The following SNRNP27 variants were observed in gnomAD, a reference collection of about 807,000 sequenced individuals.
SNRNP27 encodes the protein U4/U6.U5 small nuclear ribonucleoprotein 27 kDa protein.
Under a neutral mutation model 25.1 loss-of-function variants are expected in SNRNP27, and 22 were observed. The ratio of observed to expected loss-of-function variants is 0.88; its 90% CI spans 0.63 to 1.25. SNRNP27 has a LOEUF of 1.25. Ranked by LOEUF, SNRNP27 falls within the 50% of genes most tolerant of loss-of-function variation. The probability of loss-of-function intolerance (pLI) is 0.00; values close to 1 mark genes in which losing one functional copy is unlikely to be tolerated. For missense variants in SNRNP27, 150 were observed against 202.3 expected (o/e 0.74, Z 1.57); for synonymous variants, 66 against 64.9 (o/e 1.02, Z -0.08).
rs1183028727 is a variant in SNRNP27, at chr2:69,895,201, C to T, written c.142C>T (p.Arg48Ter). The change falls in exon 2 of 6, where the codon CGA (arginine) becomes TGA (stop). Residue 48 changes from arginine to a stop codon, truncating the protein, a stop_gained. Coordinates refer to ENST00000244227, the MANE Select transcript of SNRNP27 (RefSeq NM_006857.3). LOFTEE classifies it high-confidence loss of function. ...RRRSRSRSPHRRRSRSPRRHR... is the reference protein window; with the variant it reads ...RRRSRSRSPH The stretch of plus-strand genomic sequence containing the variant: ...AAGGAGCCGCTCGCGATCCCCGCAC[C>T]GAAGACGCTCCCGGTAAGGGCAGAA... 1 of 1,613,724 alleles carries T rather than the reference C, an allele frequency of 6.2e-7. No individual in the cohort carries two copies. Among genetic ancestry groups the T allele is most frequent in the African/African-American group, 1.3e-5 (1 of 74,858 alleles).
chr2:69,898,691 G>A (rs1676641884), intron 4 of SNRNP27, among the ~76,000 whole-genome samples: 1 of 151,996 alleles, frequency 6.6e-6, no homozygotes, highest in South Asian at 2.1e-4. Context: ...TAAAATGACA[G>A]TGTGTAACTT....
intron 3 of SNRNP27, among the ~76,000 whole-genome samples, chr2:69,896,793 G>A (rs569618333): frequency 1.4e-4 from 21 of 150,658 alleles, no homozygotes; most frequent in Admixed American, 5.3e-4. Context: ...GTGCCTCAGC[G>A]TCCCAGAGTA....
At chr2:69,898,218 C>T (rs562292402) in intron 4 of SNRNP27, among the ~76,000 whole-genome samples, 1 of 98,624 alleles carries the variant, frequency 1.0e-5, no homozygotes, top group South Asian at 3.1e-4. Context: ...AATGGAAGAA[C>T]AAAATCCAGC....
chr2:69,897,588 T>C, intron 4 of SNRNP27, 132 bp downstream of exon 4: 1 of 704,872 alleles, frequency 1.4e-6, no homozygotes, highest in South Asian at 2.0e-5. Flanking sequence ...GCTTTGAGAA[T>C]ACAAAGGAGG....
intron 3 of SNRNP27, 126 bp downstream of exon 3, chr2:69,896,674 T>TG (rs200475696): frequency 3.1e-6 from 3 of 954,466 alleles, no homozygotes; most frequent in East Asian, 2.9e-5. Flanking sequence ...GAGTTTTTTT[T>TG]GGTTTTTTTT....
chr2:69,895,141 C>G lies in SNRNP27; in HGVS notation c.82C>G (p.Arg28Gly). The G allele has an allele frequency of 3.1e-6, 5 of 1,613,906 alleles. No homozygotes were observed. The highest frequency in any genetic ancestry group is 4.2e-6 in the Non-Finnish European group (5 of 1,179,990). The change falls in exon 2 of 6, where the codon CGA (arginine) becomes GGA (glycine). Residue 28 changes from arginine to glycine, a missense_variant. Coordinates refer to ENST00000244227, the MANE Select transcript of SNRNP27 (RefSeq NM_006857.3). ...ATCCCGGGAGAGAGAACGCAGGCGC[C>G]GAGAAAGGTCCAGGTCTCGGGAGAG... is the stretch of plus-strand genomic sequence containing the variant. ...STSRERERRRRERSRSRERDR... is the reference protein window; with the variant it reads ...STSRERERRRGERSRSRERDR...
At chr2:69,896,395 T>TA (rs1275131746) in intron 2 of SNRNP27, 41 bp from the exon 3 acceptor site, 1 of 1,588,404 alleles carries the variant, frequency 6.3e-7, no homozygotes, top group East Asian at 2.2e-5. Flanking sequence ...ACAAAGTTGA[T>TA]ATGTCTGTCT....
intron 1 of SNRNP27, 125 bp downstream of exon 1, chr2:69,894,143 A>AG: frequency 1.2e-6 from 1 of 850,120 alleles, no homozygotes; most frequent in South Asian, 1.6e-5. Flanking sequence ...GCGGAGAGCG[A>AG]GGGGTGGATA....
intron 2 of SNRNP27, among the ~76,000 whole-genome samples, chr2:69,895,498 G>T (rs1467388771): frequency 6.6e-6 from 1 of 152,150 alleles, no homozygotes; most frequent in Admixed American, 6.5e-5. Flanking sequence ...TTATATTTTT[G>T]TTTCTTTCTT....
intron 2 of SNRNP27, 98 bp from the exon 3 acceptor site, chr2:69,896,338 C>A: frequency 1.8e-6 from 2 of 1,129,248 alleles, no homozygotes; most frequent in Non-Finnish European, 2.6e-6. Flanking sequence ...TACGGAATGA[C>A]TCGTGGTTCT....
At position 69,904,460 on chromosome 2, in the gene SNRNP27, C is replaced by T. The variant is rs1676760138; in HGVS notation, c.*152C>T. 1.3e-5 allele frequency: 9 copies of T among 688,632 alleles called. No individual in the cohort carries two copies. The South Asian group carries it at 1.5e-4, about 11-fold the overall frequency. The allele number at this position is 688,632 out of a possible 1,614,324, so 42.7% of individuals were successfully genotyped here. A position where few individuals can be genotyped will look rare whatever the true frequency, so the allele number is the denominator to read the frequency against. ...TCTTATTTATGATATATGCAGTTAACTTACCTTGCCTCAACAGAAGAAAGG... is the reference window on the plus strand; with the variant it reads ...TCTTATTTATGATATATGCAGTTAATTTACCTTGCCTCAACAGAAGAAAGG... On this transcript the variant is annotated 3_prime_UTR_variant, in exon 6 of 6. Transcript: ENST00000244227.
Position 69,895,307 on chromosome 2 carries a change from G to A in SNRNP27, c.155+93G>A, listed in dbSNP as rs1376773525. The A allele has an allele frequency of 3.1e-5, 45 of 1,453,766 alleles. 1 individual carries two copies. The South Asian group carries it at 6.0e-4, about 19-fold the overall frequency. 90.1% of individuals were successfully genotyped at this position (1,453,766 alleles called of 1,614,324 possible). ...AACTTTGTTTTCATCGCTTATAAGG[G>A]GATTTACGGTTTCCTGAAATGGAGG... On this transcript the variant is annotated intron_variant, in intron 2 of 5. Transcript: ENST00000244227.
At chr2:69,902,353 G>C (rs1224964015) in intron 4 of SNRNP27, among the ~76,000 whole-genome samples, 1 of 150,620 alleles carries the variant, frequency 6.6e-6, no homozygotes, top group Non-Finnish European at 1.5e-5. Context: ...TGCTGCTCTT[G>C]CTGCTGCTTC....
chr2:69,903,212 A>G lies in SNRNP27; in HGVS notation c.380A>G (p.Tyr127Cys), dbSNP rs757093186. ...AAGGTGGATGGCTCTGTAAATGCCTATGCCATAAATGTCTCTCAGAAGAGG... is the reference window on the plus strand; with the variant it reads ...AAGGTGGATGGCTCTGTAAATGCCTGTGCCATAAATGTCTCTCAGAAGAGG... ...GKKVDGSVNA[Y>C]AINVSQKRKY... The change falls in exon 5 of 6, where the codon TAT becomes TGT. Residue 127 changes from tyrosine (Y) to cysteine (C), a missense_variant. Physicochemically the swap from Tyr to Cys is radical, Grantham distance 194. Around this residue, in one of 2 missense-constraint regions of SNRNP27, gnomAD observed 142 missense variants for 168.6 expected, o/e 0.84. Coordinates refer to ENST00000244227, the MANE Select transcript of SNRNP27 (RefSeq NM_006857.3). The G allele has an allele frequency of 2.5e-5, 40 of 1,613,186 alleles. No individual in the cohort carries two copies. The highest frequency in any genetic ancestry group is 3.1e-5 in the Non-Finnish European group (37 of 1,179,274).
chr2:69,899,384 T>C (rs1169189598), intron 4 of SNRNP27, among the ~76,000 whole-genome samples: 1 of 152,174 alleles, frequency 6.6e-6, no homozygotes, highest in African/African-American at 2.4e-5. Flanking sequence ...CCCATTTTCC[T>C]TTCTATTTGA....
intron 4 of SNRNP27, among the ~76,000 whole-genome samples, chr2:69,901,362 TG>T (rs1478902457): frequency 6.6e-6 from 1 of 151,904 alleles, no homozygotes; most frequent in Non-Finnish European, 1.5e-5. Flanking sequence ...AGGAACAACA[TG>T]GGGGAAAGTG....
intron 4 of SNRNP27, among the ~76,000 whole-genome samples, chr2:69,902,489 C>T (rs1676719694): frequency 6.6e-6 from 1 of 152,064 alleles, no homozygotes; most frequent in Non-Finnish European, 1.5e-5. Flanking sequence ...GTTTCTGTTT[C>T]CTCTGCTGCT....
chr2:69,903,156 CTGTT>C lies in SNRNP27; in HGVS notation c.349-19_349-16del, dbSNP rs764460055. The stretch of plus-strand genomic sequence containing the variant: ...TTAATGTATCCTTCCTGTTTTTTGT[CTGTT>C]TGTTTATTGTTTTTCTTCAGGGTAA... On this transcript the variant is annotated intron_variant, in intron 4 of 5. Transcript: ENST00000244227. The C allele has an allele frequency of 1.2e-4, 185 of 1,582,670 alleles. 2 individuals are homozygous for C. The highest frequency in any genetic ancestry group is 1.1e-3 in the African/African-American group (83 of 74,220).
intron 2 of SNRNP27, 37 bp downstream of exon 2, chr2:69,895,251 G>T: frequency 6.2e-7 from 1 of 1,606,444 alleles, no homozygotes; most frequent in Non-Finnish European, 8.5e-7. Context: ...TTTATTTACC[G>T]AAAGTCCCTA....
Sources: allele counts gnomAD v4.1 joint callset (sites outside exome capture counted in the v4.1 genomes callset), GRCh38; gene constraint gnomAD v4.1.1; regional missense constraint gnomAD v4.1.1; transcripts MANE v1.5; gene names NCBI Gene and HGNC (gene_info 2026-07-23, HGNC 2026-07-21).